ZNF543: variants seen among roughly 807,000 people sequenced by gnomAD.
The protein encoded by ZNF543 is zinc finger protein 543.
In ZNF543, 10 loss-of-function variants were observed where a neutral mutation model predicts 13.4. That is an observed-to-expected ratio of 0.75 (90% CI 0.46 to 1.26). The LOEUF (loss-of-function observed/expected upper bound fraction) is 1.26, where lower values mean the gene tolerates loss of function less well. Ranked by LOEUF, ZNF543 falls within the 50% of genes most tolerant of loss-of-function variation. ZNF543 has a pLI of 0.00. For missense variants in ZNF543, 768 were observed against 741.2 expected (o/e 1.04, Z -0.42); for synonymous variants, 272 against 264.7 (o/e 1.03, Z -0.27).
intron 3 of ZNF543, among the ~76,000 whole-genome samples, chr19:57,327,471 AGTAGCTG>A (rs2088128883): frequency 6.7e-6 from 1 of 148,286 alleles, no homozygotes; most frequent in Non-Finnish European, 1.5e-5. Flanking sequence ...CAGCCTCCTG[AGTAGCTG>A]GGATTACAGG....
rs1339788124 is a variant in ZNF543 at position 57,329,044 on chromosome 19, A to C, written c.1582A>C (p.Ile528Leu). 1 of 1,614,048 alleles carries C rather than the reference A, an allele frequency of 6.2e-7. No homozygotes were observed. The highest frequency in any genetic ancestry group is 1.3e-5 in the African/African-American group (1 of 74,900). Residue 528 changes from isoleucine to leucine, a missense_variant, in exon 4 of 4, where the codon ATT becomes CTT. Around this residue, in one of 3 missense-constraint regions of ZNF543, gnomAD observed 677 missense variants for 631.4 expected, o/e 1.07. Transcript: ENST00000321545. The part of the protein sequence containing the change: ...RSANLIRHSI[I>L]HTGEKPYECS... Reference sequence around the variant, plus strand: ...CGCAAACCTTATTCGACACTCCATCATTCACACTGGAGAGAAGCCGTATGA... The same window carrying C: ...CGCAAACCTTATTCGACACTCCATCCTTCACACTGGAGAGAAGCCGTATGA...
Position 57,320,821 on chromosome 19 carries a change from T to G in ZNF543, c.-33T>G, listed in dbSNP as rs1037268976. On this transcript the variant is annotated 5_prime_UTR_variant, in exon 1 of 4. In the 5' UTR this introduces an upstream ATG that the reference lacks. Transcript: ENST00000321545. ...CTGGGGGTCGGCTGAGCCGCGGCAT[T>G]CCCGGGCCCCGCTAGGGCTGCAGGG... 3 of 1,613,078 alleles carry G rather than the reference T, an allele frequency of 1.9e-6. No individual in the cohort carries two copies. In the African/African-American group the frequency reaches 4.0e-5, roughly 22 times the overall value.
In ZNF543 at chr19:57,330,131, A is replaced by G. The variant is rs1244080299; in HGVS notation, c.*866A>G. On this transcript the variant is annotated 3_prime_UTR_variant, in exon 4 of 4. Transcript: ENST00000321545. ...TATAAAAAATATGGAGGCTTGAGTT[A>G]TGAAACACTTTTATAAGGAGATAAG... is the stretch of plus-strand genomic sequence containing the variant. 1 of 152,228 alleles carries G rather than the reference A, an allele frequency of 6.6e-6. No individual in the cohort carries two copies. The highest frequency in any genetic ancestry group is 2.4e-5 in the African/African-American group (1 of 41,460). 9.4% of individuals were successfully genotyped at this position (152,228 alleles called of 1,614,324 possible). A position where few individuals can be genotyped will look rare whatever the true frequency, so the allele number is the denominator to read the frequency against.
Position 57,329,301 on chromosome 19 carries a change from A to G in ZNF543, c.*36A>G, listed in dbSNP as rs1568510979. 2.6e-6 allele frequency: 4 copies of G among 1,549,416 alleles called. No homozygotes were observed. The highest frequency in any genetic ancestry group is 3.5e-6 in the Non-Finnish European group (4 of 1,152,786). On this transcript the variant is annotated 3_prime_UTR_variant, in exon 4 of 4. Coordinates refer to ENST00000321545, the MANE Select transcript of ZNF543 (RefSeq NM_213598.4). ...CTTACCATCTGGCCATTCACACTGA[A>G]GAGAAACTTCATAAGCATCCTCTCT...
chr19:57,322,474 C>A (rs1223064010), intron 1 of ZNF543, among the ~76,000 whole-genome samples: 2 of 138,176 alleles, frequency 1.4e-5, no homozygotes, highest in East Asian at 4.2e-4. Context: ...AATATTGAGA[C>A]CCTGTCTCAA....
chr19:57,321,139 A>G (rs1010895379), intron 1 of ZNF543, among the ~76,000 whole-genome samples: 2 of 152,130 alleles, frequency 1.3e-5, no homozygotes. Context: ...GTTGCCTGCC[A>G]GCCCCTACCC....
chr19:57,321,071 G>A (rs1024734825), intron 1 of ZNF543, among the ~76,000 whole-genome samples, 200 bp downstream of exon 1: 1 of 152,162 alleles, frequency 6.6e-6, no homozygotes, highest in African/African-American at 2.4e-5. Flanking sequence ...TTGGTAGAAG[G>A]ATGAATGATG....
At chr19:57,324,683 C>G (rs1018169919) in intron 2 of ZNF543, among the ~76,000 whole-genome samples, 1 of 152,154 alleles carries the variant, frequency 6.6e-6, no homozygotes, top group Non-Finnish European at 1.5e-5. Context: ...GCCTGAGCCT[C>G]GATCTCTTCA....
chr19:57,328,540 A>G lies in ZNF543; in HGVS notation c.1078A>G (p.Ile360Val). ...GTCATACCTCACGTGGCACCAACAG[A>G]TTCACACTGGAGTGAAACCCTTTGA... ...RRSYLTWHQQ[I>V]HTGVKPFECN... The change falls in exon 4 of 4, where the codon ATT becomes GTT. Residue 360 changes from isoleucine to valine, a missense_variant. Around this residue, in one of 3 missense-constraint regions of ZNF543, gnomAD observed 677 missense variants for 631.4 expected, o/e 1.07. Coordinates refer to ENST00000321545, the MANE Select transcript of ZNF543 (RefSeq NM_213598.4). 1 of 1,614,108 alleles carries G rather than the reference A, an allele frequency of 6.2e-7. No homozygotes were observed. Among genetic ancestry groups the G allele is most frequent in the Non-Finnish European group, 8.5e-7 (1 of 1,180,020 alleles).
chr19:57,321,793 G>A (rs1284146476), intron 1 of ZNF543, among the ~76,000 whole-genome samples: 3 of 152,178 alleles, frequency 2.0e-5, no homozygotes, highest in Admixed American at 6.5e-5. Context: ...GCCTGGGGGT[G>A]ACACCTAAAG....
intron 2 of ZNF543, among the ~76,000 whole-genome samples, chr19:57,326,073 A>G (rs1336150056): frequency 6.6e-6 from 1 of 152,188 alleles, no homozygotes; most frequent in Non-Finnish European, 1.5e-5. Flanking sequence ...TCCCTTCAGA[A>G]AATTTGTCTT....
chr19:57,321,362 G>T (rs1156446765), intron 1 of ZNF543, among the ~76,000 whole-genome samples: 2 of 152,204 alleles, frequency 1.3e-5, no homozygotes, highest in Non-Finnish European at 2.9e-5. Flanking sequence ...TTTGGAGGTG[G>T]CTTTCTTGGC....
chr19:57,323,193 A>ATTT (rs371613138), intron 1 of ZNF543, among the ~76,000 whole-genome samples: 6 of 135,786 alleles, frequency 4.4e-5, no homozygotes, highest in Non-Finnish European at 6.4e-5. Context: ...CACTGCTGTA[A>ATTT]TTTTTTTTTT....
rs1020507763 is a variant in ZNF543, at chr19:57,320,932, G to A, written c.18+61G>A. 3.7e-6 allele frequency: 6 copies of A among 1,608,468 alleles called. No homozygotes were observed. The African/African-American group carries it at 8.0e-5, about 21-fold the overall frequency. On this transcript the variant is annotated intron_variant, in intron 1 of 3. Coordinates refer to ENST00000321545, the MANE Select transcript of ZNF543 (RefSeq NM_213598.4). The stretch of plus-strand genomic sequence containing the variant: ...GCTACTTCTGGAGGCCTCGTGGGCA[G>A]GCAGAAGCCAAGACAGCCACAGGAT...
chr19:57,330,053 C>T lies in ZNF543; in HGVS notation c.*788C>T, dbSNP rs2088153621. The T allele has an allele frequency of 6.6e-6, 1 of 152,150 alleles. No individual in the cohort carries two copies. Among genetic ancestry groups the T allele is most frequent in the Non-Finnish European group, 1.5e-5 (1 of 68,028 alleles). 9.4% of individuals were successfully genotyped at this position (152,150 alleles called of 1,614,324 possible). A position where few individuals can be genotyped will look rare whatever the true frequency, so the allele number is the denominator to read the frequency against. On this transcript the variant is annotated 3_prime_UTR_variant, in exon 4 of 4. Coordinates refer to ENST00000321545, the MANE Select transcript of ZNF543 (RefSeq NM_213598.4). ...AGGGCTTGAAAACATTTTGTGAAAA[C>T]TTGCTTAGTCCTGCAACGTTCTCCA...
chr19:57,322,602 T>C (rs1472288609), intron 1 of ZNF543, among the ~76,000 whole-genome samples: 1 of 152,160 alleles, frequency 6.6e-6, no homozygotes, highest in Non-Finnish European at 1.5e-5. Context: ...TCGGGTTGCA[T>C]GATTAGAACA....
intron 1 of ZNF543, 24 bp from the exon 2 acceptor site, chr19:57,323,658 T>C: frequency 6.2e-7 from 1 of 1,609,590 alleles, no homozygotes; most frequent in South Asian, 1.1e-5. Flanking sequence ...AGGGAAACAC[T>C]ACTATCTCTG....
In ZNF543 at chr19:57,329,133, T is replaced by C; in HGVS notation, c.1671T>C (p.His557=). ...CCCTCACACATCATCAAAGGATTCATACTGGGAGAAACCCTACCATTGTAA... is the reference window on the plus strand; with the variant it reads ...CCCTCACACATCATCAAAGGATTCACACTGGGAGAAACCCTACCATTGTAA... The part of the protein sequence containing the change: ...GSSLTHHQRI[H]TGRNPTIVTD... The change falls in exon 4 of 4, where the codon CAT becomes CAC. Residue 557 remains histidine (H), a synonymous_variant. Transcript: ENST00000321545. The C allele has an allele frequency of 6.2e-7, 1 of 1,614,242 alleles. No homozygotes were observed. Among genetic ancestry groups the C allele is most frequent in the Non-Finnish European group, 8.5e-7 (1 of 1,180,044 alleles).
intron 1 of ZNF543, among the ~76,000 whole-genome samples, chr19:57,323,286 G>A (rs1316966996): frequency 6.6e-6 from 1 of 151,752 alleles, no homozygotes; most frequent in Non-Finnish European, 1.5e-5. Flanking sequence ...CCGCCTCCCG[G>A]GTTCACGCCA....
Sources: allele counts gnomAD v4.1 joint callset (sites outside exome capture counted in the v4.1 genomes callset), GRCh38; gene constraint gnomAD v4.1.1; regional missense constraint gnomAD v4.1.1; transcripts MANE v1.5; gene names NCBI Gene and HGNC (gene_info 2026-07-23, HGNC 2026-07-21).